Variants in USP3 observed in about 807,000 individuals in gnomAD.
USP3 encodes ubiquitin carboxyl-terminal hydrolase 3.
A neutral mutation model predicts 72.3 loss-of-function variants in USP3; 20 were observed. The observed-to-expected ratio is 0.28, with a 90% CI of 0.19 to 0.40. The LOEUF is 0.40. Ranked by LOEUF, USP3 falls within the 10% of genes least tolerant of loss-of-function variation. The pLI is 1.00. For synonymous variants in USP3, 222 were observed against 225.3 expected (o/e 0.99, Z 0.13); for missense variants, 479 against 633.9 (o/e 0.76, Z 2.62).
intron 11 of USP3, among the ~76,000 whole-genome samples, chr15:63,577,214 CTAAA>C (rs981368863): frequency 7.2e-5 from 11 of 152,098 alleles, no homozygotes; most frequent in South Asian, 2.1e-4. Context: ...TCGAAGAATC[CTAAA>C]TAAAGTATTA....
intron 1 of USP3, among the ~76,000 whole-genome samples, chr15:63,517,209 A>G (rs142768459): frequency 1.2e-3 from 175 of 151,590 alleles, no homozygotes; most frequent in African/African-American, 3.6e-3. Context: ...ACTCCCCCCA[A>G]TTTCCTTGAT....
intron 3 of USP3, among the ~76,000 whole-genome samples, chr15:63,537,450 G>A (rs1009033058): frequency 6.6e-6 from 1 of 150,946 alleles, no homozygotes; most frequent in African/African-American, 2.4e-5. Flanking sequence ...TCTTTTTCTT[G>A]TGTTATTTTA....
intron 3 of USP3, among the ~76,000 whole-genome samples, chr15:63,539,947 TTC>T (rs1454030439): frequency 6.6e-6 from 1 of 152,226 alleles, no homozygotes; most frequent in African/African-American, 2.4e-5. Context: ...GATTTCCTAT[TTC>T]TGTGTGGAGT....
At chr15:63,534,468 T>C (rs1010150670) in intron 2 of USP3, among the ~76,000 whole-genome samples, 2 of 152,200 alleles carry the variant, frequency 1.3e-5, no homozygotes, top group Non-Finnish European at 2.9e-5. Context: ...ATTAGAAATT[T>C]GTGACATATG....
chr15:63,591,206 G>T lies in USP3; in HGVS notation c.*380G>T, dbSNP rs74571066. 2.9e-5 allele frequency: 5 copies of T among 170,374 alleles called. 1 individual carries two copies. The South Asian group carries it at 7.4e-4, about 25-fold the overall frequency. 10.6% of individuals were successfully genotyped at this position (170,374 alleles called of 1,614,324 possible). A position where few individuals can be genotyped will look rare whatever the true frequency, so the allele number is the denominator to read the frequency against. On this transcript the variant is annotated 3_prime_UTR_variant, in exon 15 of 15. Coordinates refer to ENST00000380324, the MANE Select transcript of USP3 (RefSeq NM_006537.4). ...AGATGTGTTCCTTATTGTGAAGAGCGACACAACTGCCTGCTGCCTTTCCAC... is the reference window on the plus strand; with the variant it reads ...AGATGTGTTCCTTATTGTGAAGAGCTACACAACTGCCTGCTGCCTTTCCAC...
Position 63,553,408 on chromosome 15 carries a change from C to T in USP3, c.285-307C>T, listed in dbSNP as rs184538959. On this transcript the variant is annotated intron_variant, in intron 3 of 14. Transcript: ENST00000380324. The surrounding 1 kb of genome is among the most constrained non-coding windows in gnomAD (Gnocchi z 4.2). Reference sequence around the variant, plus strand: ...ACTCGGTGCTTTTTATTTCATTTTCCATGTATTAGGCACCACTAAAAAGAA... The same window carrying T: ...ACTCGGTGCTTTTTATTTCATTTTCTATGTATTAGGCACCACTAAAAAGAA... 73 of 187,228 alleles carry T rather than the reference C, an allele frequency of 3.9e-4. No homozygotes were observed. Among genetic ancestry groups the T allele is most frequent in the African/African-American group, 1.6e-3 (69 of 42,788 alleles). 11.6% of individuals were successfully genotyped at this position (187,228 alleles called of 1,614,324 possible).
At chr15:63,558,370 T>G (rs552875594) in intron 6 of USP3, among the ~76,000 whole-genome samples, 182 bp downstream of exon 6, 1 of 152,208 alleles carries the variant, frequency 6.6e-6, no homozygotes, top group South Asian at 2.1e-4. Context: ...ATGGGGTAGT[T>G]GGGAAGATTG....
intron 14 of USP3, among the ~76,000 whole-genome samples, chr15:63,589,345 A>G (rs966522885): frequency 6.6e-6 from 1 of 152,238 alleles, no homozygotes; most frequent in Non-Finnish European, 1.5e-5. Context: ...AACTTACTCC[A>G]TATCATCTAC....
rs146013364 is a variant in USP3, at chr15:63,540,748, G to A, written c.284+3592G>A. 1.8e-3 allele frequency among the ~76,000 whole-genome samples: 269 copies of A among 152,302 alleles called. 3 individuals are homozygous for A. The East Asian group carries it at 0.023, about 13-fold the overall frequency. ...ACTGTTCATTAAGAGAGAAAGCAGT[G>A]CGAAAAGGAATGATTCTGATTTGAC... is the stretch of plus-strand genomic sequence containing the variant. On this transcript the variant is annotated intron_variant, in intron 3 of 14. Coordinates refer to ENST00000380324, the MANE Select transcript of USP3 (RefSeq NM_006537.4).
chr15:63,589,286 G>A (rs995411593), intron 14 of USP3, among the ~76,000 whole-genome samples: 10 of 152,066 alleles, frequency 6.6e-5, no homozygotes, highest in South Asian at 2.1e-4. Context: ...TTGCTTATTC[G>A]TTTACCAACT....
At chr15:63,572,570 G>T (rs1414404842) in intron 9 of USP3, among the ~76,000 whole-genome samples, 3 of 152,106 alleles carry the variant, frequency 2.0e-5, no homozygotes, top group Non-Finnish European at 4.4e-5. Context: ...TATTTTGTCA[G>T]TAAAGGAAGG....
In USP3 at chr15:63,574,356, G is replaced by T. The variant is rs1170399861; in HGVS notation, c.1049G>T (p.Ser350Ile). 1 of 1,606,510 alleles carries T rather than the reference G, an allele frequency of 6.2e-7. No homozygotes were observed. Among genetic ancestry groups the T allele is most frequent in the Non-Finnish European group, 8.5e-7 (1 of 1,177,154 alleles). The change falls in exon 11 of 15, where the codon AGT becomes ATT. Residue 350 changes from serine (S) to isoleucine (I), a missense_variant. Physicochemically the swap from Ser to Ile is moderately radical, Grantham distance 142. Coordinates refer to ENST00000380324, the MANE Select transcript of USP3 (RefSeq NM_006537.4). The surrounding 1 kb of genome is among the most constrained non-coding windows in gnomAD (Gnocchi z 4.6). The part of the protein sequence containing the change: ...LSLDIPSQFR[S>I]KRSKNQENGP... Reference sequence around the variant, plus strand: ...TTAGATATTCCAAGTCAGTTCAGAAGTAAGCGCTCTAAGAATCAAGAAAAT... The same window carrying T: ...TTAGATATTCCAAGTCAGTTCAGAATTAAGCGCTCTAAGAATCAAGAAAAT...
In USP3 at chr15:63,532,648, G is replaced by C; in HGVS notation, c.93G>C (p.Val31=). ...NGSPSSWCCS[V]CRSNKSPWVC... Reference sequence around the variant, plus strand: ...ATTGTGTATTTTTCTTTTTATTAGTGTGCCGGTCCAACAAAAGCCCTTGGG... The same window carrying C: ...ATTGTGTATTTTTCTTTTTATTAGTCTGCCGGTCCAACAAAAGCCCTTGGG... The change falls in exon 2 of 15, where the codon GTG becomes GTC. Residue 31 remains valine, a splice_region_variant and synonymous_variant. Transcript: ENST00000380324. The C allele has an allele frequency of 6.2e-7, 1 of 1,613,972 alleles. No individual in the cohort carries two copies. The highest frequency in any genetic ancestry group is 8.5e-7 in the Non-Finnish European group (1 of 1,179,906).
At chr15:63,586,128 TCAG>T (rs2067055829) in intron 11 of USP3, among the ~76,000 whole-genome samples, 1 of 152,248 alleles carries the variant, frequency 6.6e-6, no homozygotes, top group South Asian at 2.1e-4. Context: ...ATGTGATCTG[TCAG>T]CAGAGATAAT....
At chr15:63,506,865 A>G (rs1034853569) in intron 1 of USP3, among the ~76,000 whole-genome samples, 2 of 152,214 alleles carry the variant, frequency 1.3e-5, no homozygotes, top group Non-Finnish European at 2.9e-5. Context: ...GAGTTTCGCA[A>G]CTTTGTGTGA....
chr15:63,582,602 G>A (rs1415057495), intron 11 of USP3, among the ~76,000 whole-genome samples: 1 of 152,170 alleles, frequency 6.6e-6, no homozygotes, highest in African/African-American at 2.4e-5. Flanking sequence ...AGAAGAAAAG[G>A]ACTAACTTTC....
At chr15:63,504,867 G>C (rs1175986407) in intron 1 of USP3, 37 bp downstream of exon 1, 18 of 1,527,296 alleles carry the variant, frequency 1.2e-5, no homozygotes, top group Non-Finnish European at 1.3e-5. Context: ...CAGCGCACCC[G>C]AGGCCGCGGC....
Position 63,570,491 on chromosome 15 carries a change from T to C in USP3, c.820T>C (p.Leu274=). 1 of 1,614,212 alleles carries C rather than the reference T, an allele frequency of 6.2e-7. No homozygotes were observed. Among genetic ancestry groups the C allele is most frequent in the Non-Finnish European group, 8.5e-7 (1 of 1,180,032 alleles). The change falls in exon 9 of 15, where the codon TTG becomes CTG. Residue 274 remains leucine (L), a synonymous_variant. Coordinates refer to ENST00000380324, the MANE Select transcript of USP3 (RefSeq NM_006537.4). The surrounding 1 kb of genome is among the most constrained non-coding windows in gnomAD (Gnocchi z 4.4). ...GCGCTACCTTTTGGACCACCTACAC[T>C]TGGAACTTCAGGGCGGTTTCAACGG... The part of the protein sequence containing the change: ...FMRYLLDHLH[L]ELQGGFNGVS...
At chr15:63,581,345 T>TGTGTGTGTGTG (rs2066955880) in intron 11 of USP3, among the ~76,000 whole-genome samples, 1 of 130,076 alleles carries the variant, frequency 7.7e-6, no homozygotes, top group African/African-American at 2.9e-5. Context: ...GTGTTGGTTT[T>TGTGTGTGTGTG]TGTGTGTGTG....
Sources: allele counts gnomAD v4.1 joint callset (sites outside exome capture counted in the v4.1 genomes callset), GRCh38; gene constraint gnomAD v4.1.1; non-coding constraint Gnocchi (gnomAD v3.1); transcripts MANE v1.5; gene names NCBI Gene and HGNC (gene_info 2026-07-23, HGNC 2026-07-21).